SVOPL: variants seen among roughly 807,000 people sequenced by gnomAD.
The protein encoded by SVOPL is putative transporter SVOPL.
A neutral mutation model predicts 61.0 loss-of-function variants in SVOPL; 60 were observed. The ratio of observed to expected loss-of-function variants is 0.98; its 90% confidence interval spans 0.80 to 1.22. SVOPL has a LOEUF of 1.22. Ranked by LOEUF, SVOPL falls within the 50% of genes most tolerant of loss-of-function variation. The pLI, the probability that SVOPL is intolerant of heterozygous loss-of-function variation, is 0.00. For synonymous variants in SVOPL, 279 were observed against 250.0 expected (o/e 1.12, Z -1.09); for missense variants, 662 against 643.9 (o/e 1.03, Z -0.30).
In SVOPL at chr7:138,656,476, T is replaced by A; in HGVS notation, c.506A>T (p.Tyr169Phe). ...IIKTEFLPTK[Y>F]RGYMLPLSQV... ...AGACAAGGGTAACATATAGCCTCGG[T>A]ATTTCGTGGGCAAAAATTCAGTCTT... Residue 169 changes from tyrosine to phenylalanine, a missense_variant, in exon 7 of 16, where the codon TAC becomes TTC. Tyr to Phe is a conservative substitution (Grantham distance 22). Transcript: ENST00000674285. 1 of 1,614,070 alleles carries A rather than the reference T, an allele frequency of 6.2e-7. No individual in the cohort carries two copies. Among genetic ancestry groups the A allele is most frequent in the African/African-American group, 1.3e-5 (1 of 75,042 alleles).
chr7:138,624,539 C>T (rs931103001), intron 13 of SVOPL, among the ~76,000 whole-genome samples: 11 of 152,034 alleles, frequency 7.2e-5, no homozygotes, highest in Admixed American at 2.0e-4. Context: ...ACATTTAACC[C>T]CAGACATCAT....
rs1173225577 is a variant in SVOPL at position 138,619,710 on chromosome 7, GCTCT to G, written c.1353+1332_1353+1335del. On this transcript the variant is annotated intron_variant, in intron 14 of 15. Transcript: ENST00000674285. ...GTCTGCTCAGCCCATCCCAACTCCC[GCTCT>G]CTGTCATTTCACCTCTGCCAGCTGC... Among the ~76,000 whole-genome samples the G allele has an allele frequency of 2.0e-5, 3 of 151,922 alleles. No individual in the cohort carries two copies. The East Asian group carries it at 5.8e-4, about 29-fold the overall frequency.
chr7:138,641,610 G>T (rs1050044081), intron 9 of SVOPL, among the ~76,000 whole-genome samples: 1 of 144,414 alleles, frequency 6.9e-6, no homozygotes, highest in African/African-American at 2.6e-5. Flanking sequence ...GGCAGAGGTT[G>T]CAGTGAGCCA....
intron 14 of SVOPL, among the ~76,000 whole-genome samples, chr7:138,616,339 A>G (rs1187952418): frequency 2.6e-4 from 9 of 33,972 alleles, no homozygotes. Context: ...AATCTTTAAT[A>G]CTTTTTTTTT....
chr7:138,650,283 G>A (rs1801357004), intron 7 of SVOPL, among the ~76,000 whole-genome samples: 1 of 152,168 alleles, frequency 6.6e-6, no homozygotes, highest in South Asian at 2.1e-4. Context: ...TAGGGCTTGT[G>A]ATTGGGGATG....
At chr7:138,699,478 T>C (rs371305299) in intron 1 of SVOPL, among the ~76,000 whole-genome samples, 3 of 152,144 alleles carry the variant, frequency 2.0e-5, no homozygotes, top group East Asian at 3.9e-4. Flanking sequence ...CTAAACTAGG[T>C]TGATTTTATT....
intron 10 of SVOPL, among the ~76,000 whole-genome samples, chr7:138,629,598 A>G (rs369771857): frequency 6.6e-6 from 1 of 152,184 alleles, no homozygotes; most frequent in Non-Finnish European, 1.5e-5. Context: ...ATTAAAACTC[A>G]TCAATCTTTT....
chr7:138,650,289 G>A (rs945032101), intron 7 of SVOPL, among the ~76,000 whole-genome samples: 5 of 152,098 alleles, frequency 3.3e-5, no homozygotes, highest in Middle Eastern at 3.2e-3. Context: ...TTGTGATTGG[G>A]GATGAGGGAC....
At chr7:138,612,852 T>C (rs1283651759) in intron 14 of SVOPL, among the ~76,000 whole-genome samples, 1 of 151,554 alleles carries the variant, frequency 6.6e-6, no homozygotes, top group African/African-American at 2.4e-5. Context: ...GTTTACCATG[T>C]TTTCCTATAT....
intron 9 of SVOPL, 50 bp downstream of exon 9, chr7:138,644,667 T>C: frequency 6.3e-7 from 1 of 1,599,056 alleles, no homozygotes; most frequent in East Asian, 2.2e-5. Context: ...CTGAGGGGAT[T>C]TCCCAGTGGC....
chr7:138,605,446 A>ATTTG (rs1384322922), intron 14 of SVOPL, among the ~76,000 whole-genome samples: 1 of 151,956 alleles, frequency 6.6e-6, no homozygotes, highest in African/African-American at 2.4e-5. Flanking sequence ...TGGATCACCC[A>ATTTG]AGGTCAGGAG....
At chr7:138,642,825 T>A (rs1416233716) in intron 9 of SVOPL, among the ~76,000 whole-genome samples, 1 of 73,732 alleles carries the variant, frequency 1.4e-5, no homozygotes, top group Non-Finnish European at 2.3e-5. Context: ...GCGAGACTCC[T>A]ACCTCCAAAA....
At position 138,641,399 on chromosome 7, in the gene SVOPL, G is replaced by A. The variant is rs28431386; in HGVS notation, c.789+3318C>T. ...TGAAAAGACAGCCTCAGCTGGGCGC[G>A]GGGCCTCACGCCTGTAATCCCAGCA... On this transcript the variant is annotated intron_variant, in intron 9 of 15. Coordinates refer to ENST00000674285, the MANE Select transcript of SVOPL (RefSeq NM_001139456.2). Among the ~76,000 whole-genome samples, 544 of 151,992 alleles carry A rather than the reference G, an allele frequency of 3.6e-3. 9 individuals carry two copies. The highest frequency in any genetic ancestry group is 0.034 in the East Asian group (176 of 5,142).
intron 14 of SVOPL, among the ~76,000 whole-genome samples, chr7:138,611,913 G>GAACGGGCCATGAT: frequency 4.5e-5 from 1 of 22,266 alleles, no homozygotes; most frequent in Admixed American, 6.4e-4. Flanking sequence ...AGCTCATTGA[G>GAACGGGCCATGAT]AACGGGCCAG....
intron 4 of SVOPL, among the ~76,000 whole-genome samples, 163 bp downstream of exon 4, chr7:138,671,856 A>G (rs1399439476): frequency 6.6e-6 from 1 of 152,234 alleles, no homozygotes; most frequent in African/African-American, 2.4e-5. Context: ...CATGCTAGGA[A>G]AAGAAAAAGG....
At chr7:138,656,974 G>A (rs1311943719) in intron 6 of SVOPL, among the ~76,000 whole-genome samples, 1 of 151,988 alleles carries the variant, frequency 6.6e-6, no homozygotes, top group East Asian at 1.9e-4. Flanking sequence ...CCCAGGAGGT[G>A]GAGGTTGTGG....
chr7:138,648,963 T>C (rs765902223), intron 8 of SVOPL, 49 bp downstream of exon 8: 2 of 1,610,782 alleles, frequency 1.2e-6, no homozygotes, highest in Non-Finnish European at 1.7e-6. Context: ...TGAAGGCCAC[T>C]GGACCAGCAG....
chr7:138,626,701 C>T (rs1460918801), intron 12 of SVOPL, among the ~76,000 whole-genome samples: 1 of 151,854 alleles, frequency 6.6e-6, no homozygotes, highest in Admixed American at 6.6e-5. Context: ...TTTCAATTGG[C>T]CCAGCATGGT....
chr7:138,656,762 G>A (rs1367380482), intron 6 of SVOPL, among the ~76,000 whole-genome samples: 1 of 152,120 alleles, frequency 6.6e-6, no homozygotes, highest in African/African-American at 2.4e-5. Context: ...TATAAGCCTG[G>A]CCAGGTGTGG....
Sources: gnomAD v4.1 joint callset for allele counts (sites outside exome capture counted in the v4.1 genomes callset) on GRCh38, gnomAD v4.1.1 for gene constraint, MANE v1.5 for transcripts, NCBI Gene and HGNC (gene_info 2026-07-23, HGNC 2026-07-21) for gene names.